Variants in CHLSN observed in about 807,000 individuals in gnomAD.
CHLSN encodes cholesin, also known as protein cholesin.
the CHLSN span, among the ~76,000 whole-genome samples, chr7:1,107,473 A>G: frequency 6.6e-6 from 1 of 152,218 alleles, no homozygotes; most frequent in African/African-American, 2.4e-5. Flanking sequence ...CCCACTCTAC[A>G]GAGAATAAGA....
the CHLSN span, among the ~76,000 whole-genome samples, chr7:1,118,002 C>G: frequency 6.6e-6 from 1 of 152,190 alleles, no homozygotes; most frequent in Non-Finnish European, 1.5e-5. Flanking sequence ...GTTCCTGCTA[C>G]GGGAATGCTG....
chr7:1,000,263 C>T, the CHLSN span, among the ~76,000 whole-genome samples: 61 of 152,088 alleles, frequency 4.0e-4, no homozygotes, highest in African/African-American at 1.3e-3. Flanking sequence ...CGTGCACAGA[C>T]CTCAGCCCCC....
the CHLSN span, among the ~76,000 whole-genome samples, chr7:998,033 C>T: frequency 2.0e-5 from 3 of 152,210 alleles, no homozygotes; most frequent in Non-Finnish European, 4.4e-5. Context: ...AAACAGAAGC[C>T]ATGTGGGGAG....
At chr7:1,076,365 A>G in the CHLSN span, among the ~76,000 whole-genome samples, 1 of 152,170 alleles carries the variant, frequency 6.6e-6, no homozygotes, top group African/African-American at 2.4e-5. Context: ...ATAGGCTGCA[A>G]GGAGCACCCT....
the CHLSN span, among the ~76,000 whole-genome samples, chr7:1,135,969 GTATATATAAA>G: frequency 2.2e-5 from 2 of 91,634 alleles, no homozygotes; most frequent in Admixed American, 2.6e-4. Context: ...ATATATATAA[GTATATATAAA>G]TATATAAGCA....
the CHLSN span, among the ~76,000 whole-genome samples, chr7:1,104,803 C>T: frequency 1.3e-5 from 2 of 152,354 alleles, no homozygotes; most frequent in Non-Finnish European, 2.9e-5. Flanking sequence ...AATATGCAGC[C>T]TCATCTGTCC....
At chr7:1,072,131 G>C in the CHLSN span, among the ~76,000 whole-genome samples, 2 of 152,276 alleles carry the variant, frequency 1.3e-5, no homozygotes, top group South Asian at 2.1e-4. Context: ...ATGGCCTTCC[G>C]ATACCCAGAC....
the CHLSN span, chr7:1,057,777 C>G: frequency 2.6e-6 from 2 of 775,950 alleles, no homozygotes; most frequent in Non-Finnish European, 4.8e-6. Context: ...GCTCGGCCCC[C>G]CGAGCTCCCG....
At chr7:1,072,563 G>T in the CHLSN span, among the ~76,000 whole-genome samples, 1 of 152,194 alleles carries the variant, frequency 6.6e-6, no homozygotes, top group African/African-American at 2.4e-5. Context: ...ACGGTCTGTG[G>T]GCTGAAGTTA....
At chr7:1,033,769 G>A in the CHLSN span, among the ~76,000 whole-genome samples, 2 of 152,136 alleles carry the variant, frequency 1.3e-5, no homozygotes, top group Admixed American at 6.5e-5. Context: ...TCCTGAGTGA[G>A]GTGAGGAGAC....
At chr7:1,034,293 CA>C in the CHLSN span, among the ~76,000 whole-genome samples, 2 of 152,092 alleles carry the variant, frequency 1.3e-5, no homozygotes, top group Non-Finnish European at 2.9e-5. Flanking sequence ...AATGGAGAGA[CA>C]CATTGTGTTA....
the CHLSN span, among the ~76,000 whole-genome samples, chr7:985,604 G>C: frequency 1.3e-5 from 2 of 152,282 alleles, no homozygotes; most frequent in Admixed American, 6.5e-5. Context: ...TGGGAGGCAG[G>C]CATGGCTTCC....
chr7:1,119,248 C>T, the CHLSN span, among the ~76,000 whole-genome samples: 2 of 152,128 alleles, frequency 1.3e-5, no homozygotes, highest in Non-Finnish European at 2.9e-5. Context: ...ACTGTATCTC[C>T]ACCTTGCACT....
At chr7:1,044,884 C>T in the CHLSN span, among the ~76,000 whole-genome samples, 3 of 152,274 alleles carry the variant, frequency 2.0e-5, no homozygotes, top group African/African-American at 7.2e-5. Flanking sequence ...GGCTTTCGGT[C>T]ATTAACCTGG....
At chr7:986,063 C>T in the CHLSN span, among the ~76,000 whole-genome samples, 128 of 152,320 alleles carry the variant, frequency 8.4e-4, 1 homozygote, top group African/African-American at 2.8e-3. Context: ...TCCGGGGCAG[C>T]CCCAGGGCAG....
chr7:1,116,227 G>A, the CHLSN span, among the ~76,000 whole-genome samples: 44 of 136,282 alleles, frequency 3.2e-4, no homozygotes, highest in African/African-American at 1.2e-3. Flanking sequence ...CATCACCAAC[G>A]CCCACGCAGG....
At chr7:1,136,207 T>TAAATATATATAAACATATATAAATATATA in the CHLSN span, among the ~76,000 whole-genome samples, 1 of 115,338 alleles carries the variant, frequency 8.7e-6, no homozygotes, top group East Asian at 2.9e-4. Context: ...CACAAATATA[T>TAAATATATATAAACATATATAAATATATA]AAATATATAT....
chr7:1,021,422 T>C, the CHLSN span: 1 of 985,486 alleles, frequency 1.0e-6, no homozygotes, highest in Non-Finnish European at 1.2e-6. Context: ...TGAAGGGCTC[T>C]GCCCAGCCTT....
chr7:983,123 G>A, the CHLSN span: 3 of 1,159,338 alleles, frequency 2.6e-6, no homozygotes, highest in East Asian at 9.2e-5. Flanking sequence ...GGGTGGGTGG[G>A]GTGCGGGCAC....
Sources: allele counts gnomAD v4.1 joint callset (sites outside exome capture counted in the v4.1 genomes callset), GRCh38; gene constraint gnomAD v4.1.1; transcripts MANE v1.5; gene names NCBI Gene and HGNC (gene_info 2026-07-23, HGNC 2026-07-21).